COG7: variants seen among roughly 807,000 people sequenced by gnomAD.
COG7 encodes the protein conserved oligomeric Golgi complex subunit 7.
Under a neutral mutation model 91.5 loss-of-function variants are expected in COG7, and 49 were observed. The ratio of observed to expected loss-of-function variants is 0.54; its 90% CI spans 0.43 to 0.68. The LOEUF (loss-of-function observed/expected upper bound fraction) is 0.68. COG7 is among the 30% of genes least tolerant of loss of function. COG7 has a pLI of 0.00. For synonymous variants in COG7, 365 were observed against 388.7 expected, an observed-to-expected ratio of 0.94 and a Z score of 0.72; for missense variants, 895 against 961.3, an observed-to-expected ratio of 0.93 and a Z score of 0.91.
At chr16:23,434,004 A>C (rs1006600924) in intron 5 of COG7, among the ~76,000 whole-genome samples, 1 of 152,300 alleles carries the variant, frequency 6.6e-6, no homozygotes, top group South Asian at 2.1e-4. Flanking sequence ...TTTAAGCTTC[A>C]TGTCCTAACA....
At chr16:23,429,002 T>G (rs1963892129) in intron 6 of COG7, among the ~76,000 whole-genome samples, 1 of 150,786 alleles carries the variant, frequency 6.6e-6, no homozygotes, top group Admixed American at 6.6e-5. Flanking sequence ...CATCTTTCTT[T>G]TTTTTGAGAC....
intron 15 of COG7, 53 bp downstream of exon 15, chr16:23,393,180 C>T: frequency 7.4e-7 from 1 of 1,344,138 alleles, no homozygotes; most frequent in Non-Finnish European, 1.1e-6. Context: ...GAGTTTCTAC[C>T]CTGGAAACTG....
chr16:23,444,980 T>C (rs1423456395), intron 3 of COG7, 68 bp downstream of exon 3: 1 of 1,168,934 alleles, frequency 8.6e-7, no homozygotes, highest in Non-Finnish European at 1.3e-6. Context: ...TGTATCTCTT[T>C]TGCTTTCTCC....
intron 1 of COG7, among the ~76,000 whole-genome samples, chr16:23,451,976 C>G (rs1357980573): frequency 2.0e-5 from 3 of 152,032 alleles, no homozygotes; most frequent in Non-Finnish European, 4.4e-5. Context: ...ATAAACACCT[C>G]ACAGACTCGT....
intron 6 of COG7, among the ~76,000 whole-genome samples, chr16:23,425,456 C>CA (rs1003361109): frequency 2.0e-5 from 3 of 152,102 alleles, no homozygotes; most frequent in Admixed American, 6.5e-5. Context: ...CTTAGCCTCC[C>CA]AAGTAGCTGA....
intron 12 of COG7, among the ~76,000 whole-genome samples, chr16:23,404,633 C>T (rs1963430101): frequency 6.6e-6 from 1 of 152,214 alleles, no homozygotes; most frequent in Non-Finnish European, 1.5e-5. Context: ...TTTTCTACTG[C>T]ATCTGGCCAG....
At chr16:23,439,428 A>C (rs1340271565) in intron 4 of COG7, among the ~76,000 whole-genome samples, 1 of 152,208 alleles carries the variant, frequency 6.6e-6, no homozygotes, top group Non-Finnish European at 1.5e-5. Flanking sequence ...TCATTCTAGC[A>C]TTCTTCACAA....
At chr16:23,452,313 G>A (rs999953257) in intron 1 of COG7, among the ~76,000 whole-genome samples, 1 of 152,192 alleles carries the variant, frequency 6.6e-6, no homozygotes, top group Admixed American at 6.6e-5. Context: ...TATAATCACA[G>A]TACTTTGGGA....
chr16:23,433,818 G>GC, intron 5 of COG7, 151 bp from the exon 6 acceptor site: 1 of 701,502 alleles, frequency 1.4e-6, no homozygotes, highest in Non-Finnish European at 2.3e-6. Context: ...AAGAAAGGCA[G>GC]GAAAAAAAAA....
At chr16:23,403,937 T>A in intron 12 of COG7, 103 bp from the exon 13 acceptor site, 1 of 1,403,406 alleles carries the variant, frequency 7.1e-7, no homozygotes, top group Non-Finnish European at 9.9e-7. Flanking sequence ...GGGGGTTCTA[T>A]GCAATAGTGG....
At chr16:23,441,445 C>T (rs1344559980) in intron 4 of COG7, among the ~76,000 whole-genome samples, 4 of 152,092 alleles carry the variant, frequency 2.6e-5, no homozygotes, top group African/African-American at 9.7e-5. Context: ...TGTGGTGGCG[C>T]ACGTCTGTAA....
At chr16:23,449,118 C>A (rs1567350058) in intron 1 of COG7, among the ~76,000 whole-genome samples, 1 of 152,112 alleles carries the variant, frequency 6.6e-6, no homozygotes, top group Non-Finnish European at 1.5e-5. Flanking sequence ...AATCCCAGCA[C>A]TTTGGGAGGC....
chr16:23,408,356 G>T (rs1473498122), intron 11 of COG7, among the ~76,000 whole-genome samples: 1 of 43,210 alleles, frequency 2.3e-5, no homozygotes, highest in Non-Finnish European at 4.2e-5. Context: ...GGTAGGGGAC[G>T]AGTGGGGCGG....
At chr16:23,428,472 T>C (rs1410906843) in intron 6 of COG7, among the ~76,000 whole-genome samples, 1 of 151,890 alleles carries the variant, frequency 6.6e-6, no homozygotes, top group Non-Finnish European at 1.5e-5. Flanking sequence ...GATGCACAAA[T>C]GGCCAATAAG....
intron 9 of COG7, 179 bp from the exon 10 acceptor site, chr16:23,413,743 G>T: frequency 1.8e-6 from 1 of 569,038 alleles, no homozygotes; most frequent in Non-Finnish European, 3.2e-6. Context: ...TTCTCTATGT[G>T]GCAAGACTGT....
chr16:23,391,974 T>G, intron 16 of COG7: 2 of 1,130,820 alleles, frequency 1.8e-6, no homozygotes, highest in East Asian at 6.2e-5. Context: ...CACAGGGGAG[T>G]TTGGAATTAC....
intron 5 of COG7, 132 bp downstream of exon 5, chr16:23,434,504 A>G (rs1459711794): frequency 2.7e-6 from 2 of 736,738 alleles, no homozygotes; most frequent in Non-Finnish European, 4.9e-6. Flanking sequence ...CCTACTGGCT[A>G]ACTAAGAGAA....
rs112895104 is a variant in COG7 at position 23,391,100 on chromosome 16, C to T, written c.2146+1280G>A. On this transcript the variant is annotated intron_variant, in intron 16 of 16. Transcript: ENST00000307149. ...TAGCCTTACCTTCCCTGCCCCTAACCGTACATCCTTACAGTGTAAGCTCAC... is the reference window on the plus strand; with the variant it reads ...TAGCCTTACCTTCCCTGCCCCTAACTGTACATCCTTACAGTGTAAGCTCAC... 9.1e-4 allele frequency among the ~76,000 whole-genome samples: 139 copies of T among 152,356 alleles called. 1 individual carries two copies. The highest frequency in any genetic ancestry group is 3.2e-3 in the African/African-American group (132 of 41,570).
At chr16:23,424,297 C>CAA (rs398042083) in intron 7 of COG7, among the ~76,000 whole-genome samples, 648 of 48,288 alleles carry the variant, frequency 0.013, 6 homozygotes, top group Non-Finnish European at 0.018. Context: ...AACTCCATCT[C>CAA]AAAAAAAAAA....
Sources: allele counts gnomAD v4.1 joint callset (sites outside exome capture counted in the v4.1 genomes callset), GRCh38; gene constraint gnomAD v4.1.1; transcripts MANE v1.5; gene names NCBI Gene and HGNC (gene_info 2026-07-23, HGNC 2026-07-21).